DOCK10: variants seen among roughly 807,000 people sequenced by gnomAD.
DOCK10 encodes dedicator of cytokinesis 10, also known as dedicator of cytokinesis protein 10.
A neutral mutation model predicts 280.1 loss-of-function variants in DOCK10; 145 were observed. The ratio of observed to expected loss-of-function variants is 0.52; its 90% CI spans 0.45 to 0.59. DOCK10 has a LOEUF of 0.59. DOCK10 is among the 20% of genes least tolerant of loss of function. The pLI is 0.00. For synonymous variants in DOCK10, 915 were observed against 942.2 expected (o/e 0.97, Z 0.53); for missense variants, 2,368 against 2,651.7 (o/e 0.89, Z 2.35).
At chr2:224,953,571 C>A (rs144511370) in intron 1 of DOCK10, among the ~76,000 whole-genome samples, 155 of 152,306 alleles carry the variant, frequency 1.0e-3, no homozygotes, top group Middle Eastern at 3.4e-3. Flanking sequence ...CCCAACTGAG[C>A]AGCTCCAAGT....
chr2:224,953,365 C>G (rs1213253684), intron 1 of DOCK10, among the ~76,000 whole-genome samples: 1 of 152,192 alleles, frequency 6.6e-6, no homozygotes, highest in Non-Finnish European at 1.5e-5. Context: ...CACAGCCTTT[C>G]TGTCATAGGA....
At chr2:224,828,735 A>T (rs1196078343) in intron 27 of DOCK10, among the ~76,000 whole-genome samples, 1 of 152,200 alleles carries the variant, frequency 6.6e-6, no homozygotes, top group African/African-American at 2.4e-5. Context: ...GGCTGTGAGT[A>T]TCATGACAAA....
rs531800839 is a variant in DOCK10, at chr2:224,906,609, G to C, written c.333+10086C>G. 2.0e-5 allele frequency among the ~76,000 whole-genome samples: 3 copies of C among 152,262 alleles called. No individual in the cohort carries two copies. In the East Asian group the frequency reaches 5.8e-4, roughly 29 times the overall value. ...TTCTCCTGCCTCAGCCTCCCGAGTA[G>C]CTGGGACTACAGGCACCTGCCACCA... On this transcript the variant is annotated intron_variant, in intron 3 of 55. Transcript: ENST00000258390.
chr2:224,999,964 C>A (rs891638428), intron 1 of DOCK10, among the ~76,000 whole-genome samples: 1 of 152,154 alleles, frequency 6.6e-6, no homozygotes, highest in Non-Finnish European at 1.5e-5. Flanking sequence ...ATTCTTCAGA[C>A]AGCATCCTGC....
intron 1 of DOCK10, among the ~76,000 whole-genome samples, chr2:224,950,641 C>T (rs1350422029): frequency 6.6e-6 from 1 of 152,084 alleles, no homozygotes; most frequent in Non-Finnish European, 1.5e-5. Flanking sequence ...ATTTAATGTG[C>T]AATGCTGATT....
At chr2:224,916,833 G>T in intron 2 of DOCK10, 49 bp from the exon 3 acceptor site, 3 of 1,403,352 alleles carry the variant, frequency 2.1e-6, no homozygotes, top group South Asian at 1.2e-5. Flanking sequence ...TAGAAGTGTC[G>T]AGCAGACCAG....
At chr2:225,023,080 G>A (rs1465247955) in intron 1 of DOCK10, among the ~76,000 whole-genome samples, 1 of 151,848 alleles carries the variant, frequency 6.6e-6, no homozygotes, top group Non-Finnish European at 1.5e-5. Flanking sequence ...TTGTTGTCCA[G>A]GCTGGAGTGC....
At position 224,874,686 on chromosome 2, in the gene DOCK10, G is replaced by C. The variant is rs1244648594; in HGVS notation, c.997C>G (p.Leu333Val). 1 of 1,613,920 alleles carries C rather than the reference G, an allele frequency of 6.2e-7. No homozygotes were observed. The highest frequency in any genetic ancestry group is 2.2e-5 in the East Asian group (1 of 44,878). ...ATTACCTTTGCAAAGTCTGCGTGTA[G>C]GTTGTTCTCTGAAGAATCTGTTTCC... ...PEETDSSENNLHADFAKYLTE... is the reference protein window; with the variant it reads ...PEETDSSENNVHADFAKYLTE... Residue 333 changes from leucine (L) to valine (V), a missense_variant, in exon 9 of 56, where the codon CTA (leucine) becomes GTA (valine). Leu to Val is a conservative substitution (Grantham distance 32, BLOSUM62 1). Transcript: ENST00000258390.
chr2:224,969,161 A>G (rs1704940628), intron 1 of DOCK10, among the ~76,000 whole-genome samples: 1 of 152,204 alleles, frequency 6.6e-6, no homozygotes, highest in Non-Finnish European at 1.5e-5. Context: ...TGTGTGAAGC[A>G]GCAGCAGTCC....
chr2:225,024,217 T>C (rs1689857484), intron 1 of DOCK10, among the ~76,000 whole-genome samples: 2 of 152,254 alleles, frequency 1.3e-5, no homozygotes, highest in South Asian at 4.1e-4. Context: ...CCTTGGATTC[T>C]GGACCAGAAA....
chr2:224,808,528 A>G (rs1693551887), intron 31 of DOCK10, among the ~76,000 whole-genome samples: 1 of 152,040 alleles, frequency 6.6e-6, no homozygotes, highest in South Asian at 2.1e-4. Flanking sequence ...AAGCGATTGG[A>G]TTTTCGATGG....
chr2:225,033,485 G>A (rs867148912), intron 1 of DOCK10, among the ~76,000 whole-genome samples: 5 of 152,090 alleles, frequency 3.3e-5, no homozygotes, highest in African/African-American at 7.2e-5. Flanking sequence ...GCCCAGCTGC[G>A]ACTGTTAATT....
At chr2:224,975,366 G>A (rs1208650551) in intron 1 of DOCK10, among the ~76,000 whole-genome samples, 2 of 152,082 alleles carry the variant, frequency 1.3e-5, no homozygotes, top group African/African-American at 4.8e-5. Flanking sequence ...ACCCATTTAT[G>A]GTAGACTGTT....
At chr2:224,962,634 G>A (rs1704515701) in intron 1 of DOCK10, among the ~76,000 whole-genome samples, 1 of 152,162 alleles carries the variant, frequency 6.6e-6, no homozygotes, top group Non-Finnish European at 1.5e-5. Context: ...AAGATAGTCT[G>A]ACTTGTGACT....
chr2:225,016,914 G>C (rs1028869102), intron 1 of DOCK10, among the ~76,000 whole-genome samples: 11 of 151,870 alleles, frequency 7.2e-5, no homozygotes, highest in African/African-American at 2.4e-4. Context: ...GTAGGTACGG[G>C]GTTTCGCCAT....
intron 1 of DOCK10, among the ~76,000 whole-genome samples, chr2:224,974,941 A>G (rs1366026877): frequency 7.0e-6 from 1 of 143,096 alleles, no homozygotes; most frequent in Non-Finnish European, 1.6e-5. Flanking sequence ...TGTTTTTGGT[A>G]TAAGTTTCTA....
intron 30 of DOCK10, among the ~76,000 whole-genome samples, chr2:224,815,827 G>C (rs1373562396): frequency 1.3e-5 from 2 of 152,212 alleles, no homozygotes; most frequent in East Asian, 3.9e-4. Flanking sequence ...CCTGAGGTCA[G>C]GAGTTGGAGA....
chr2:224,841,096 CAGGGGCT>C (rs1319863376), intron 23 of DOCK10, among the ~76,000 whole-genome samples: 1 of 151,920 alleles, frequency 6.6e-6, no homozygotes, highest in Non-Finnish European at 1.5e-5. Flanking sequence ...TGGTGGTTAC[CAGGGGCT>C]AGGGAGGGGA....
rs1241301690 is a variant in DOCK10, at chr2:224,807,750, G to A, written c.3620C>T (p.Pro1207Leu). Residue 1207 changes from proline to leucine, a missense_variant, in exon 33 of 56, where the codon CCC (proline) becomes CTC (leucine). Coordinates refer to ENST00000258390, the MANE Select transcript of DOCK10 (RefSeq NM_014689.3). The part of the protein sequence containing the change: ...KQAQIASLYM[P>L]LYGMLLDNMP... ...ATTGTCCAGGAGCATGCCGTACAGG[G>A]GCATGTATAAACTTGCTATCTGGGC... 1 of 1,571,992 alleles carries A rather than the reference G, an allele frequency of 6.4e-7. No homozygotes were observed. The highest frequency in any genetic ancestry group is 1.3e-5 in the African/African-American group (1 of 74,166).
Sources: gnomAD v4.1 joint callset for allele counts (sites outside exome capture counted in the v4.1 genomes callset) on GRCh38, gnomAD v4.1.1 for gene constraint, MANE v1.5 for transcripts, NCBI Gene and HGNC (gene_info 2026-07-23, HGNC 2026-07-21) for gene names.